SHLD2: variants seen among roughly 807,000 people sequenced by gnomAD.
SHLD2 encodes shieldin complex subunit 2, also known as RINN1-REV7-interacting novel NHEJ regulator 2.
A neutral mutation model predicts 73.2 loss-of-function variants in SHLD2; 30 were observed. That is an observed-to-expected ratio of 0.41 (90% confidence interval 0.31 to 0.56). The LOEUF (loss-of-function observed/expected upper bound fraction) is 0.56. Among genes scored for constraint, SHLD2 ranks in the 20% least tolerant of loss-of-function variants. The pLI is 0.28. For missense variants in SHLD2, 745 were observed against 1,055.9 expected (o/e 0.71, Z 4.08); for synonymous variants, 285 against 370.1 (o/e 0.77, Z 2.64).
intron 2 of SHLD2, among the ~76,000 whole-genome samples, chr10:87,147,554 A>G (rs1407620202): frequency 6.6e-6 from 1 of 152,052 alleles, no homozygotes; most frequent in Non-Finnish European, 1.5e-5. Flanking sequence ...AAGTGAGGAC[A>G]CAGAAGCGGT....
chr10:87,182,741 G>A (rs1196332605), intron 8 of SHLD2, among the ~76,000 whole-genome samples: 4 of 152,046 alleles, frequency 2.6e-5, no homozygotes, highest in East Asian at 1.9e-4. Flanking sequence ...TATAGTCAAG[G>A]TGTAGGCTGG....
At chr10:87,170,456 C>T in intron 4 of SHLD2, 22 bp from the exon 5 acceptor site, 1 of 1,498,324 alleles carries the variant, frequency 6.7e-7, no homozygotes, top group African/African-American at 1.4e-5. Flanking sequence ...TTTTGTCTGT[C>T]TGTATGTTTT....
rs550411906 is a variant in SHLD2 at position 87,178,551 on chromosome 10, C to T, written c.2171-1524C>T. Among the ~76,000 whole-genome samples the T allele has an allele frequency of 1.4e-4, 21 of 150,850 alleles. No individual in the cohort carries two copies. In the East Asian group the frequency reaches 3.9e-3, roughly 28 times the overall value. ...TCAACATGGCAAATCCCCATCTCCA[C>T]AAAAAAATACAAAAATTAGCCAGGT... On this transcript the variant is annotated intron_variant, in intron 7 of 9. Coordinates refer to ENST00000298786, the MANE Select transcript of SHLD2 (RefSeq NM_001330112.2).
intron 2 of SHLD2, among the ~76,000 whole-genome samples, chr10:87,132,760 C>CA (rs1844519323): frequency 1.3e-5 from 2 of 152,098 alleles, no homozygotes; most frequent in African/African-American, 2.4e-5. Flanking sequence ...GGCAACAGGA[C>CA]AAGACCCTGT....
At chr10:87,126,422 A>G (rs1345692345) in intron 2 of SHLD2, among the ~76,000 whole-genome samples, 1 of 152,132 alleles carries the variant, frequency 6.6e-6, no homozygotes, top group Admixed American at 6.6e-5. Flanking sequence ...CTGAATATTG[A>G]GTCTTAATGA....
chr10:87,153,459 C>T (rs541582277), intron 3 of SHLD2, among the ~76,000 whole-genome samples: 5 of 152,154 alleles, frequency 3.3e-5, no homozygotes, highest in African/African-American at 1.2e-4. Flanking sequence ...ACTGTGGGAA[C>T]AGTTATTGAT....
chr10:87,160,966 G>C (rs181325537), intron 4 of SHLD2, among the ~76,000 whole-genome samples: 1 of 148,534 alleles, frequency 6.7e-6, no homozygotes, highest in Non-Finnish European at 1.5e-5. Context: ...CAGCCTGAGC[G>C]ACAGAGTGAG....
intron 3 of SHLD2, among the ~76,000 whole-genome samples, chr10:87,153,180 T>C (rs1479444971): frequency 6.6e-6 from 1 of 152,088 alleles, no homozygotes; most frequent in African/African-American, 2.4e-5. Flanking sequence ...CCCAGCACTT[T>C]GGGAGGCTGA....
chr10:87,182,081 A>G (rs1848347905), intron 8 of SHLD2, among the ~76,000 whole-genome samples: 1 of 152,364 alleles, frequency 6.6e-6, no homozygotes, highest in African/African-American at 2.4e-5. Context: ...AAGCCTTTAA[A>G]TTGTTATTAG....
Position 87,177,170 on chromosome 10 carries a change from T to A in SHLD2, c.2170+1075T>A, listed in dbSNP as rs11492866. 6.6e-5 allele frequency among the ~76,000 whole-genome samples: 10 copies of A among 152,006 alleles called. No individual in the cohort carries two copies. The East Asian group carries it at 1.9e-3, about 29-fold the overall frequency. ...TAGAGGTGGTCACCACAGGAAGGAA[T>A]GCCAGACACAGTTGAGGGGCTACAT... On this transcript the variant is annotated intron_variant, in intron 7 of 9. Transcript: ENST00000298786.
chr10:87,097,421 C>T (rs989778754), intron 2 of SHLD2, among the ~76,000 whole-genome samples: 5 of 151,644 alleles, frequency 3.3e-5, no homozygotes, highest in Non-Finnish European at 7.4e-5. Flanking sequence ...ATAAGCCAAG[C>T]GTGGTGGGGG....
chr10:87,175,279 A>C (rs1361579113), intron 6 of SHLD2, among the ~76,000 whole-genome samples: 2 of 152,178 alleles, frequency 1.3e-5, no homozygotes, highest in Non-Finnish European at 2.9e-5. Flanking sequence ...AAAACAAAAC[A>C]CAACTTTGCC....
At chr10:87,168,563 C>A (rs1847365577) in intron 4 of SHLD2, among the ~76,000 whole-genome samples, 1 of 146,018 alleles carries the variant, frequency 6.8e-6, no homozygotes, top group Non-Finnish European at 1.5e-5. Context: ...TGTGCCACTG[C>A]ATTCCAGCCT....
At chr10:87,100,311 C>T (rs928018368) in intron 2 of SHLD2, among the ~76,000 whole-genome samples, 9 of 152,110 alleles carry the variant, frequency 5.9e-5, no homozygotes, top group African/African-American at 1.9e-4. Context: ...TTCTTTTGCA[C>T]GTGGCTATCC....
intron 3 of SHLD2, among the ~76,000 whole-genome samples, chr10:87,156,215 C>T (rs749206033): frequency 9.2e-5 from 14 of 151,898 alleles, no homozygotes; most frequent in African/African-American, 1.4e-4. Context: ...TACAGGAGCC[C>T]GCCACCACGC....
chr10:87,151,754 G>A lies in SHLD2; in HGVS notation c.400G>A (p.Glu134Lys), dbSNP rs143725514. The stretch of plus-strand genomic sequence containing the variant: ...TAAAAGCACAGTTCCGCATTTCACC[G>A]AAGAAGAAAAGTATCAAAAGCTTCT... ...GFKSTVPHFT[E>K]EEKYQKLLSE... Residue 134 changes from glutamate to lysine, a missense_variant, in exon 3 of 10, where the codon GAA (glutamate) becomes AAA (lysine). By Grantham distance (56) the Glu-to-Lys change is moderately conservative. This residue lies in a region of SHLD2 where 280 missense variants were observed against 353.9 expected (regional missense o/e 0.79). Coordinates refer to ENST00000298786, the MANE Select transcript of SHLD2 (RefSeq NM_001330112.2). 2.2e-5 allele frequency: 36 copies of A among 1,611,758 alleles called. No homozygotes were observed. The highest frequency in any genetic ancestry group is 6.7e-5 in the African/African-American group (5 of 74,808).
chr10:87,183,901 G>A (rs572878161), intron 8 of SHLD2, among the ~76,000 whole-genome samples: 5 of 152,164 alleles, frequency 3.3e-5, no homozygotes, highest in South Asian at 4.1e-4. Flanking sequence ...TTGAGCTCTC[G>A]TCTGCGTCCT....
chr10:87,183,348 C>G (rs1005369723), intron 8 of SHLD2, among the ~76,000 whole-genome samples: 1 of 152,110 alleles, frequency 6.6e-6, no homozygotes, highest in Non-Finnish European at 1.5e-5. Flanking sequence ...TAAAGAAATG[C>G]AATTTGCAAG....
chr10:87,186,784 ATTTT>A (rs1007377022), intron 8 of SHLD2, among the ~76,000 whole-genome samples: 1 of 151,982 alleles, frequency 6.6e-6, no homozygotes, highest in Non-Finnish European at 1.5e-5. Flanking sequence ...TGTGATTATT[ATTTT>A]TATTTTCATT....
Sources: gnomAD v4.1 joint callset for allele counts (sites outside exome capture counted in the v4.1 genomes callset) on GRCh38, gnomAD v4.1.1 for gene constraint, gnomAD v4.1.1 regional missense constraint, MANE v1.5 for transcripts, NCBI Gene and HGNC (gene_info 2026-07-23, HGNC 2026-07-21) for gene names.